VPS13B: variants seen among roughly 807,000 people sequenced by gnomAD.
VPS13B encodes intermembrane lipid transfer protein VPS13B.
Under a neutral mutation model 426.4 loss-of-function variants are expected in VPS13B, and 285 were observed. The observed-to-expected ratio is 0.67, with a 90% CI of 0.61 to 0.74. The LOEUF (loss-of-function observed/expected upper bound fraction) is 0.74, where lower values mean the gene tolerates loss of function less well. Ranked by LOEUF, VPS13B falls within the 30% of genes least tolerant of loss-of-function variation. The pLI is 0.00. For missense variants in VPS13B, 4,537 were observed against 4,782.6 expected, an observed-to-expected ratio of 0.95 and a Z score of 1.51; for synonymous variants, 1,676 against 1,676.4, an observed-to-expected ratio of 1.00 and a Z score of 0.01.
chr8:99,331,162 A>G (rs889020505), intron 19 of VPS13B, among the ~76,000 whole-genome samples: 2 of 151,886 alleles, frequency 1.3e-5, no homozygotes, highest in African/African-American at 4.8e-5. Context: ...AATGAGACCT[A>G]TAGAAGAAAA....
chr8:99,554,950 C>T (rs1237861417), intron 30 of VPS13B, among the ~76,000 whole-genome samples: 3 of 151,938 alleles, frequency 2.0e-5, no homozygotes, highest in Non-Finnish European at 4.4e-5. Flanking sequence ...TGTAATTTTT[C>T]TAAGTTAGAA....
At chr8:99,082,267 T>G (rs200730859) in intron 3 of VPS13B, among the ~76,000 whole-genome samples, 10 of 152,244 alleles carry the variant, frequency 6.6e-5, no homozygotes, top group Admixed American at 2.6e-4. Flanking sequence ...CTTCTTTTGA[T>G]AAGTGTCTGT....
At chr8:99,450,264 GA>G (rs1404804387) in intron 23 of VPS13B, among the ~76,000 whole-genome samples, 1 of 152,132 alleles carries the variant, frequency 6.6e-6, no homozygotes, top group African/African-American at 2.4e-5. Flanking sequence ...TTGGGTGCAG[GA>G]AACAGAAACC....
At chr8:99,645,461 T>C (rs1588582758) in intron 34 of VPS13B, among the ~76,000 whole-genome samples, 1 of 152,338 alleles carries the variant, frequency 6.6e-6, no homozygotes, top group East Asian at 1.9e-4. Flanking sequence ...GGCCCTGCCA[T>C]CAATTAGTAA....
At chr8:99,568,943 C>T (rs1251233050) in intron 31 of VPS13B, among the ~76,000 whole-genome samples, 1 of 151,730 alleles carries the variant, frequency 6.6e-6, no homozygotes, top group Non-Finnish European at 1.5e-5. Context: ...TCCCGAGTAG[C>T]TGGGGCTACA....
At chr8:99,788,383 T>TAAAAAAAAAAAAAA (rs5893498) in intron 43 of VPS13B, among the ~76,000 whole-genome samples, 1 of 102,922 alleles carries the variant, frequency 9.7e-6, no homozygotes, top group African/African-American at 3.6e-5. Context: ...GACCCCATCT[T>TAAAAAAAAAAAAAA]AAAAAAAAAA....
intron 61 of VPS13B, chr8:99,875,172 G>GCAA: frequency 1.8e-6 from 1 of 552,058 alleles, no homozygotes; most frequent in East Asian, 3.2e-5. Flanking sequence ...GGAATTTTAT[G>GCAA]CAACACCAAA....
chr8:99,445,475 TTAAC>T (rs1484155738), intron 23 of VPS13B, among the ~76,000 whole-genome samples: 1 of 149,232 alleles, frequency 6.7e-6, no homozygotes, highest in Non-Finnish European at 1.5e-5. Context: ...TGTAAATTAA[TTAAC>T]TAAGTATATA....
At chr8:99,657,874 G>A (rs1031666616) in intron 34 of VPS13B, among the ~76,000 whole-genome samples, 5 of 152,124 alleles carry the variant, frequency 3.3e-5, no homozygotes, top group African/African-American at 1.2e-4. Flanking sequence ...CTTCTCCTCT[G>A]CTCATGCAAA....
At chr8:99,271,189 A>T (rs1173476044) in intron 17 of VPS13B, among the ~76,000 whole-genome samples, 1 of 144,958 alleles carries the variant, frequency 6.9e-6, no homozygotes. Flanking sequence ...TGCTGCTGCT[A>T]CCACTAACTA....
At chr8:99,219,567 T>G (rs1374342919) in intron 17 of VPS13B, among the ~76,000 whole-genome samples, 2 of 152,218 alleles carry the variant, frequency 1.3e-5, no homozygotes, top group Non-Finnish European at 2.9e-5. Flanking sequence ...AATATTGAGA[T>G]GCTAGCATCT....
intron 17 of VPS13B, among the ~76,000 whole-genome samples, chr8:99,261,234 A>G (rs1437289442): frequency 3.9e-5 from 6 of 152,116 alleles, no homozygotes; most frequent in Non-Finnish European, 7.4e-5. Flanking sequence ...ATCATATCAT[A>G]TAGAATGTTT....
chr8:99,616,650 A>G (rs1209209005), intron 33 of VPS13B, among the ~76,000 whole-genome samples: 1 of 152,206 alleles, frequency 6.6e-6, no homozygotes, highest in Non-Finnish European at 1.5e-5. Flanking sequence ...ACATGGTGAA[A>G]CCCCGTCTCT....
At chr8:99,700,119 A>G (rs937862578) in intron 36 of VPS13B, among the ~76,000 whole-genome samples, 187 bp downstream of exon 36, 8 of 152,180 alleles carry the variant, frequency 5.3e-5, no homozygotes, top group Admixed American at 5.2e-4. Context: ...CCTTTAAGTA[A>G]TGTCTAAACA....
chr8:99,664,411 C>T (rs1412555734), intron 35 of VPS13B, among the ~76,000 whole-genome samples: 2 of 151,838 alleles, frequency 1.3e-5, no homozygotes, highest in East Asian at 1.9e-4. Context: ...TGGTGTGCTG[C>T]ACCCATTAAC....
At position 99,442,562 on chromosome 8, in the gene VPS13B, T is replaced by G. The variant is rs1292302782; in HGVS notation, c.3372T>G (p.Ile1124Met). ...TCTGTTTGCCTCAAATAAAGATTAT[T>G]AGTGCTGGGCACAAGTATATGGAAC... ...LVLCLPQIKI[I>M]SAGHKYMEPL... The change falls in exon 23 of 62, where the codon ATT becomes ATG. Residue 1124 changes from isoleucine to methionine, a missense_variant. Physicochemically the swap from Ile to Met is conservative, Grantham distance 10 (BLOSUM62 1). Around this residue, in one of 2 missense-constraint regions of VPS13B, gnomAD observed 4,311 missense variants for 4,474.3 expected, o/e 0.96. Coordinates refer to ENST00000357162, the MANE Select transcript of VPS13B (RefSeq NM_152564.5). The G allele has an allele frequency of 6.2e-7, 1 of 1,614,006 alleles. No individual in the cohort carries two copies.
At chr8:99,505,906 G>T (rs1336847842) in intron 27 of VPS13B, among the ~76,000 whole-genome samples, 1 of 152,108 alleles carries the variant, frequency 6.6e-6, no homozygotes, top group African/African-American at 2.4e-5. Flanking sequence ...CTTAGTAATT[G>T]TTCATGTATG....
intron 19 of VPS13B, among the ~76,000 whole-genome samples, chr8:99,286,533 A>G (rs1046725429): frequency 1.3e-5 from 2 of 152,180 alleles, no homozygotes; most frequent in Non-Finnish European, 2.9e-5. Flanking sequence ...AATGAGATCA[A>G]TTGAACTTCT....
At chr8:99,174,555 A>G (rs1457644787) in intron 16 of VPS13B, among the ~76,000 whole-genome samples, 1 of 152,190 alleles carries the variant, frequency 6.6e-6, no homozygotes, top group Non-Finnish European at 1.5e-5. Flanking sequence ...CCTAATGATT[A>G]GGAATGTTGA....
Sources: gnomAD v4.1 joint callset for allele counts (sites outside exome capture counted in the v4.1 genomes callset) on GRCh38, gnomAD v4.1.1 for gene constraint, gnomAD v4.1.1 regional missense constraint, MANE v1.5 for transcripts, NCBI Gene and HGNC (gene_info 2026-07-23, HGNC 2026-07-21) for gene names.